Variants in RNPC3 observed in about 807,000 individuals in gnomAD.
The protein encoded by RNPC3 is RNA binding region (RNP1, RRM) containing 3.
RNPC3 carries 48 observed loss-of-function variants against 67.5 expected under a neutral mutation model. The ratio of observed to expected loss-of-function variants is 0.71; its 90% CI spans 0.56 to 0.90. The LOEUF is 0.90. RNPC3 is among the 40% of genes least tolerant of loss of function. The pLI is 0.00. For missense variants in RNPC3, 637 were observed against 626.1 expected (o/e 1.02, Z -0.19); for synonymous variants, 239 against 210.3 (o/e 1.14, Z -1.18).
At chr1:103,540,541 A>T (rs2101047970) in intron 7 of RNPC3, among the ~76,000 whole-genome samples, 1 of 152,256 alleles carries the variant, frequency 6.6e-6, no homozygotes, top group Middle Eastern at 3.4e-3. Flanking sequence ...TTTTTGGTAA[A>T]CCATGGTTTT....
chr1:103,537,499 A>G lies in RNPC3; in HGVS notation c.767+15A>G. ...GACCGACAGAGGTTTGTAACATGAA[A>G]AATTTGTTTAGTTTCCAAGAAACAT... On this transcript the variant is annotated intron_variant, in intron 7 of 14. Transcript: ENST00000423855. The G allele has an allele frequency of 6.6e-7, 1 of 1,526,066 alleles. No individual in the cohort carries two copies. The highest frequency in any genetic ancestry group is 8.8e-7 in the Non-Finnish European group (1 of 1,141,816). 94.5% of individuals were successfully genotyped at this position (1,526,066 alleles called of 1,614,324 possible).
intron 12 of RNPC3, among the ~76,000 whole-genome samples, chr1:103,548,527 C>G (rs1401710763): frequency 2.0e-5 from 3 of 152,164 alleles, no homozygotes; most frequent in Non-Finnish European, 4.4e-5. Flanking sequence ...CAGTTCCCAA[C>G]AAGTTCCACA....
rs1161643795 is a variant in RNPC3 at position 103,537,618 on chromosome 1, C to T, written c.767+134C>T. ...TTAGAATTTGTCCTCAGCCCCCCAG[C>T]ACCTCAGGCATATATAGCAGCTATA... On this transcript the variant is annotated intron_variant, in intron 7 of 14. Coordinates refer to ENST00000423855, the MANE Select transcript of RNPC3 (RefSeq NM_017619.4). 4 of 633,608 alleles carry T rather than the reference C, an allele frequency of 6.3e-6. No individual in the cohort carries two copies. In the African/African-American group the frequency reaches 7.4e-5, roughly 12 times the overall value. 39.2% of individuals were successfully genotyped at this position (633,608 alleles called of 1,614,324 possible). A position where few individuals can be genotyped will look rare whatever the true frequency, so the allele number is the denominator to read the frequency against.
chr1:103,535,441 G>C lies in RNPC3; in HGVS notation c.555G>C (p.Gln185His). Residue 185 changes from glutamine to histidine, a missense_variant and splice_region_variant, in exon 5 of 15, where the codon CAG (glutamine) becomes CAC (histidine). Transcript: ENST00000423855. ...ALASVPKFYVQVLHLMNKMNL... is the reference protein window; with the variant it reads ...ALASVPKFYVHVLHLMNKMNL... The stretch of plus-strand genomic sequence containing the variant: ...CAAGCGTGCCTAAGTTCTATGTACA[G>C]GTAAGTAGAATAAAACTTTTCCTAA... 1 of 1,517,156 alleles carries C rather than the reference G, an allele frequency of 6.6e-7. No homozygotes were observed. The highest frequency in any genetic ancestry group is 8.8e-7 in the Non-Finnish European group (1 of 1,130,368). The allele number at this position is 1,517,156 out of a possible 1,614,324, so 94.0% of individuals were successfully genotyped here.
chr1:103,543,512 TATA>T (rs947385531), intron 9 of RNPC3, 65 bp downstream of exon 9: 2 of 1,175,150 alleles, frequency 1.7e-6, no homozygotes, highest in African/African-American at 1.6e-5. Context: ...AAGTTTTACA[TATA>T]ATGTTTCATA....
chr1:103,546,431 T>A, intron 11 of RNPC3, 89 bp downstream of exon 11: 1 of 592,726 alleles, frequency 1.7e-6, no homozygotes, highest in Non-Finnish European at 2.8e-6. Flanking sequence ...AAACTACCTT[T>A]AAGAATGTGG....
Position 103,526,233 on chromosome 1 carries a change from G to T in RNPC3, c.163G>T (p.Val55Leu). 6.4e-7 allele frequency: 1 copy of T among 1,550,586 alleles called. No homozygotes were observed. The highest frequency in any genetic ancestry group is 8.7e-7 in the Non-Finnish European group (1 of 1,146,446). The change falls in exon 1 of 15, where the codon GTG becomes TTG. Residue 55 changes from valine (V) to leucine (L), a missense_variant. Coordinates refer to ENST00000423855, the MANE Select transcript of RNPC3 (RefSeq NM_017619.4). Reference protein sequence around the residue: ...DLLKYFGAQSVRVLSDKGRLK... With the variant: ...DLLKYFGAQSLRVLSDKGRLK... ...GCTGAAGTACTTCGGGGCTCAGTCT[G>T]TGCGGGTCCTGTCAGATAAGGGGCG...
chr1:103,543,504 GT>G, intron 9 of RNPC3, 57 bp downstream of exon 9: 1 of 1,207,632 alleles, frequency 8.3e-7, no homozygotes, highest in Non-Finnish European at 1.1e-6. Flanking sequence ...TTAGAATTAA[GT>G]TTTACATATA....
chr1:103,529,933 A>C lies in RNPC3; in HGVS notation c.240+2191A>C, dbSNP rs553632784. Among the ~76,000 whole-genome samples, 26 of 152,282 alleles carry C rather than the reference A, an allele frequency of 1.7e-4. No individual in the cohort carries two copies. The South Asian group carries it at 5.2e-3, about 30-fold the overall frequency. On this transcript the variant is annotated intron_variant, in intron 2 of 14. Transcript: ENST00000423855. ...CCTGAGCTCCACCTCCAGTCAGATCAGCAGTGCCTTGGCCCCTGTTGTGAA... is the reference window on the plus strand; with the variant it reads ...CCTGAGCTCCACCTCCAGTCAGATCCGCAGTGCCTTGGCCCCTGTTGTGAA...
intron 14 of RNPC3, 175 bp downstream of exon 14, chr1:103,551,967 C>T (rs889236370): frequency 1.9e-5 from 8 of 421,666 alleles, no homozygotes; most frequent in African/African-American, 4.2e-5. Flanking sequence ...GATTAAAACC[C>T]ATTTATATGT....
At chr1:103,541,249 A>T in intron 7 of RNPC3, 101 bp from the exon 8 acceptor site, 1 of 816,386 alleles carries the variant, frequency 1.2e-6, no homozygotes, top group Non-Finnish European at 1.8e-6. Context: ...TTATAATTTA[A>T]ATTATACACC....
In RNPC3 at chr1:103,535,544, C is replaced by T. The variant is rs1650963794; in HGVS notation, c.555+103C>T. 10 of 642,888 alleles carry T rather than the reference C, an allele frequency of 1.6e-5. No individual in the cohort carries two copies. In the South Asian group the frequency reaches 1.7e-4, roughly 11 times the overall value. The allele number at this position is 642,888 out of a possible 1,614,324, so 39.8% of individuals were successfully genotyped here. ...AGTAATCAGACTAATTCTAGACAGC[C>T]AGTGATACAGTATTTTAAATGTAAT... On this transcript the variant is annotated intron_variant, in intron 5 of 14. Coordinates refer to ENST00000423855, the MANE Select transcript of RNPC3 (RefSeq NM_017619.4).
At chr1:103,550,564 C>T (rs574771541) in intron 12 of RNPC3, among the ~76,000 whole-genome samples, 3 of 149,902 alleles carry the variant, frequency 2.0e-5, no homozygotes, top group African/African-American at 7.4e-5. Flanking sequence ...TGGCGTGAAC[C>T]TGGGAGATGG....
At chr1:103,551,962 A>G (rs1651401028) in intron 14 of RNPC3, 170 bp downstream of exon 14, 2 of 444,832 alleles carry the variant, frequency 4.5e-6, no homozygotes, top group Non-Finnish European at 4.0e-6. Context: ...CTACAGATTA[A>G]AACCCATTTA....
Position 103,533,978 on chromosome 1 carries a change from A to G in RNPC3, c.359+121A>G, listed in dbSNP as rs550387032. ...CAAGTAATTGGAAGAGGAATGACAG[A>G]TTTTTCCATTAAACCTAGTACAGTA... On this transcript the variant is annotated intron_variant, in intron 3 of 14. Coordinates refer to ENST00000423855, the MANE Select transcript of RNPC3 (RefSeq NM_017619.4). The G allele has an allele frequency of 7.7e-5, 49 of 638,744 alleles. No individual in the cohort carries two copies. The African/African-American group carries it at 7.9e-4, about 10-fold the overall frequency. 39.6% of individuals were successfully genotyped at this position (638,744 alleles called of 1,614,324 possible). A position where few individuals can be genotyped will look rare whatever the true frequency, so the allele number is the denominator to read the frequency against.
At chr1:103,536,084 G>T in intron 5 of RNPC3, 42 bp from the exon 6 acceptor site, 3 of 1,387,488 alleles carry the variant, frequency 2.2e-6, no homozygotes, top group Non-Finnish European at 3.0e-6. Context: ...GATGTGAGTT[G>T]AATCATTTTA....
intron 5 of RNPC3, 77 bp downstream of exon 5, chr1:103,535,518 A>C (rs1223826612): frequency 2.3e-6 from 2 of 866,014 alleles, no homozygotes; most frequent in Non-Finnish European, 3.6e-6. Context: ...ATTCTCATAA[A>C]AGTAATCAGA....
intron 2 of RNPC3, among the ~76,000 whole-genome samples, chr1:103,532,914 G>T (rs556489285): frequency 1.3e-5 from 2 of 152,106 alleles, no homozygotes; most frequent in East Asian, 1.9e-4. Flanking sequence ...TAGATAGAGG[G>T]TTTAGATAGC....
intron 2 of RNPC3, among the ~76,000 whole-genome samples, chr1:103,529,579 C>T (rs1398056432): frequency 6.6e-6 from 1 of 152,034 alleles, no homozygotes; most frequent in Non-Finnish European, 1.5e-5. Context: ...AACCATAAAT[C>T]TTTGAAAATA....
Sources: gnomAD v4.1 joint callset for allele counts (sites outside exome capture counted in the v4.1 genomes callset) on GRCh38, gnomAD v4.1.1 for gene constraint, MANE v1.5 for transcripts, NCBI Gene and HGNC (gene_info 2026-07-23, HGNC 2026-07-21) for gene names.